Variants in ZFHX3 observed in about 807,000 individuals in gnomAD.
ZFHX3 encodes the protein zinc finger homeobox 3.
A neutral mutation model predicts 279.1 loss-of-function variants in ZFHX3; 42 were observed. The observed-to-expected ratio is 0.15, with a 90% CI of 0.12 to 0.19. The LOEUF is 0.19. ZFHX3 is among the 10% of genes least tolerant of loss of function. The pLI is 1.00. For missense variants in ZFHX3, 4,981 were observed against 4,754.0 expected, an observed-to-expected ratio of 1.05 and a Z score of -1.40; for synonymous variants, 2,293 against 1,957.8, an observed-to-expected ratio of 1.17 and a Z score of -4.52.
In ZFHX3 at chr16:73,206,739, C is replaced by T. The variant is rs564764592; in HGVS notation, c.-1104+50308G>A. Among the ~76,000 whole-genome samples, 7 of 152,150 alleles carry T rather than the reference C, an allele frequency of 4.6e-5. No homozygotes were observed. In the East Asian group the frequency reaches 1.2e-3, roughly 25 times the overall value. The stretch of plus-strand genomic sequence containing the variant: ...GCTCAGAAAATATCTATTTGTAGGC[C>T]GGGCATGGTGGCTCATGCCTGTAAT... On this transcript the variant is annotated intron_variant, in intron 5 of 17. Transcript: ENST00000641206.
At chr16:73,309,326 G>A (rs1157240431) in intron 4 of ZFHX3, among the ~76,000 whole-genome samples, 1 of 152,076 alleles carries the variant, frequency 6.6e-6, no homozygotes. Context: ...GAGAACATGT[G>A]ATATTTCGTT....
At position 73,537,910 on chromosome 16, in the gene ZFHX3, G is replaced by A. The variant is rs538742256; in HGVS notation, c.-1546-81652C>T. 1.5e-3 allele frequency among the ~76,000 whole-genome samples: 228 copies of A among 152,258 alleles called. 4 individuals are homozygous for A. The highest frequency in any genetic ancestry group is 2.0e-3 in the Admixed American group (30 of 15,304). ...GTAGTATCTTGGAATTCGACTTATC[G>A]ATACAATCTTGAAAAGGCCATTACT... On this transcript the variant is annotated intron_variant, in intron 2 of 17. Transcript: ENST00000641206.
intron 1 of ZFHX3, among the ~76,000 whole-genome samples, chr16:73,805,172 A>C (rs1960245697): frequency 6.6e-6 from 1 of 151,772 alleles, no homozygotes; most frequent in African/African-American, 2.4e-5. Flanking sequence ...TATTTTTATT[A>C]TATTTTATTT....
chr16:73,188,796 A>G lies in ZFHX3; in HGVS notation c.-1103-44965T>C, dbSNP rs1967969012. On this transcript the variant is annotated intron_variant, in intron 5 of 17. Transcript: ENST00000641206. ...TTGTTTAGTTTCAGAACAAATCCTG[A>G]AACACTTAGGTTCTCACTTTTTCCC... Among the ~76,000 whole-genome samples, 3 of 152,160 alleles carry G rather than the reference A, an allele frequency of 2.0e-5. 1 individual carries two copies. The highest frequency in any genetic ancestry group is 2.0e-4 in the Admixed American group (3 of 15,280).
chr16:73,269,443 C>A (rs2014080585), intron 4 of ZFHX3, among the ~76,000 whole-genome samples: 2 of 152,182 alleles, frequency 1.3e-5, no homozygotes. Context: ...TTAGCGACTT[C>A]TTTCACTTAG....
At chr16:72,808,234 G>C (rs2036330103) in intron 7 of ZFHX3, 1 of 152,158 alleles carries the variant, frequency 6.6e-6, no homozygotes, top group Non-Finnish European at 1.5e-5. Context: ...CATCTGCTTT[G>C]ATTCATCAGA....
chr16:73,799,069 A>G (rs9930912), intron 1 of ZFHX3, among the ~76,000 whole-genome samples: 6,598 of 152,182 alleles, frequency 0.043, 510 homozygotes, highest in African/African-American at 0.15. Context: ...GGAATTTGCA[A>G]TGGGGTAAAA....
intron 3 of ZFHX3, among the ~76,000 whole-genome samples, chr16:72,920,173 T>C (rs1226644336): frequency 6.6e-6 from 1 of 151,854 alleles, no homozygotes; most frequent in Admixed American, 6.6e-5. Context: ...ACTGAAGAAT[T>C]TGCCAACTTA....
chr16:73,386,060 G>GT (rs1482123302), intron 3 of ZFHX3, among the ~76,000 whole-genome samples: 1 of 152,160 alleles, frequency 6.6e-6, no homozygotes, highest in East Asian at 1.9e-4. Context: ...CTACCGAAGG[G>GT]TAGGTCATCT....
At chr16:72,817,089 A>G (rs2036629913) in intron 5 of ZFHX3, among the ~76,000 whole-genome samples, 2 of 152,256 alleles carry the variant, frequency 1.3e-5, no homozygotes, top group South Asian at 4.1e-4. Context: ...ATGGCTAGCA[A>G]AACTTTGTGT....
chr16:73,329,587 A>G (rs1345434381), intron 3 of ZFHX3, among the ~76,000 whole-genome samples: 1 of 152,262 alleles, frequency 6.6e-6, no homozygotes, highest in African/African-American at 2.4e-5. Context: ...TCCAGCATCT[A>G]CAAGCACTTA....
At chr16:72,815,575 C>T (rs2036581568) in intron 5 of ZFHX3, among the ~76,000 whole-genome samples, 1 of 152,176 alleles carries the variant, frequency 6.6e-6, no homozygotes, top group African/African-American at 2.4e-5. Flanking sequence ...CACTAGCATA[C>T]ATCGTGGGCA....
intron 2 of ZFHX3, among the ~76,000 whole-genome samples, chr16:73,630,407 A>G (rs1026423109): frequency 7.9e-5 from 12 of 152,336 alleles, no homozygotes; most frequent in African/African-American, 2.4e-4. Context: ...AATTAAATAC[A>G]TAGGGTTTCA....
intron 3 of ZFHX3, among the ~76,000 whole-genome samples, chr16:73,412,339 A>AG (rs2017487771): frequency 1.3e-5 from 1 of 75,960 alleles, no homozygotes; most frequent in East Asian, 2.4e-4. Context: ...AAAAAAAAAA[A>AG]AAAAAAAAAA....
intron 3 of ZFHX3, among the ~76,000 whole-genome samples, chr16:72,914,034 C>T (rs1316997725): frequency 2.0e-5 from 3 of 152,334 alleles, no homozygotes; most frequent in South Asian, 2.1e-4. Context: ...ATCACTTGCT[C>T]GTGTTAACAC....
intron 2 of ZFHX3, among the ~76,000 whole-genome samples, chr16:73,522,913 G>C (rs191664674): frequency 6.6e-6 from 1 of 152,198 alleles, no homozygotes; most frequent in Admixed American, 6.5e-5. Context: ...CGGGGCATGG[G>C]GAAGCTCCTT....
chr16:73,142,832 T>C (rs1029132425), intron 6 of ZFHX3, among the ~76,000 whole-genome samples: 1 of 152,232 alleles, frequency 6.6e-6, no homozygotes, highest in Non-Finnish European at 1.5e-5. Flanking sequence ...GATACTACTA[T>C]GTCCATTTCA....
At chr16:73,772,714 C>G (rs993793089) in intron 1 of ZFHX3, among the ~76,000 whole-genome samples, 3 of 152,206 alleles carry the variant, frequency 2.0e-5, no homozygotes, top group Admixed American at 2.0e-4. Flanking sequence ...GCTCCTGTCT[C>G]TCAATGGTAT....
intron 2 of ZFHX3, among the ~76,000 whole-genome samples, chr16:73,478,922 C>T (rs2018816346): frequency 1.3e-5 from 2 of 152,028 alleles, no homozygotes; most frequent in African/African-American, 4.8e-5. Flanking sequence ...CATGGTGGTG[C>T]GCGCCTGTAA....
Sources: gnomAD v4.1 joint callset for allele counts (sites outside exome capture counted in the v4.1 genomes callset) on GRCh38, gnomAD v4.1.1 for gene constraint, MANE v1.5 for transcripts, NCBI Gene and HGNC (gene_info 2026-07-23, HGNC 2026-07-21) for gene names.